The following PCM1 variants were observed in gnomAD, a reference collection of about 807,000 sequenced individuals.
PCM1 encodes pericentriolar material 1.
Under a neutral mutation model 241.9 loss-of-function variants are expected in PCM1, and 157 were observed. The ratio of observed to expected loss-of-function variants is 0.65; its 90% CI spans 0.57 to 0.74. The LOEUF (loss-of-function observed/expected upper bound fraction) is 0.74, where lower values mean the gene tolerates loss of function less well. PCM1 is among the 30% of genes least tolerant of loss of function. The pLI is 0.00. For synonymous variants in PCM1, 1,085 were observed against 784.9 expected, an observed-to-expected ratio of 1.38 and a Z score of -6.39; for missense variants, 3,478 against 2,360.1, an observed-to-expected ratio of 1.47 and a Z score of -9.81.
At chr8:18,010,741 G>T in intron 32 of PCM1, 73 bp downstream of exon 32, 2 of 1,002,890 alleles carry the variant, frequency 2.0e-6, no homozygotes, top group South Asian at 3.0e-5. Context: ...GCAGCCCTTT[G>T]GGAGGCCAAG....
rs1166348431 is a variant in PCM1 at position 18,011,362 on chromosome 8, T to TATTA, written c.5347_5350dup (p.Leu1785Ter). The TATTA allele has an allele frequency of 6.3e-7, 1 of 1,585,842 alleles. No homozygotes were observed. Among genetic ancestry groups the TATTA allele is most frequent in the Non-Finnish European group, 8.5e-7 (1 of 1,170,126 alleles). On this transcript the variant is annotated frameshift_variant, in exon 33 of 39. Coordinates refer to ENST00000325083, the MANE Select transcript of PCM1 (RefSeq NM_006197.4). LOFTEE classifies it high-confidence loss of function. ...AAGAAAGTGAAGGATGTCCAGTGTC[T>TATTA]ATTAGTAAGTTTAAAGGCTCTGTAC...
At chr8:17,969,249 T>C (rs1473216817) in intron 21 of PCM1, among the ~76,000 whole-genome samples, 1 of 152,148 alleles carries the variant, frequency 6.6e-6, no homozygotes, top group Admixed American at 6.5e-5. Flanking sequence ...TTTTATAAGT[T>C]ACTTGGTTTT....
chr8:18,022,872 C>G lies in PCM1; in HGVS notation c.5842-2489C>G, dbSNP rs113302638. Among the ~76,000 whole-genome samples the G allele has an allele frequency of 8.1e-3, 1,237 of 152,214 alleles. 23 individuals are homozygous for G. The highest frequency in any genetic ancestry group is 0.028 in the African/African-American group (1,168 of 41,522). On this transcript the variant is annotated intron_variant, in intron 36 of 38. Coordinates refer to ENST00000325083, the MANE Select transcript of PCM1 (RefSeq NM_006197.4). The stretch of plus-strand genomic sequence containing the variant: ...GAAACTCTAGAGGCAAATGGAATAC[C>G]CCTGTAGTTTCACTGTATACAATAG...
intron 32 of PCM1, 108 bp downstream of exon 32, chr8:18,010,776 T>C: frequency 2.9e-6 from 2 of 699,016 alleles, no homozygotes; most frequent in Non-Finnish European, 4.7e-6. Context: ...AGGTCAAGAT[T>C]TCCAGACCAG....
chr8:17,923,550 G>A (rs953244238), intron 1 of PCM1, among the ~76,000 whole-genome samples: 1 of 152,182 alleles, frequency 6.6e-6, no homozygotes, highest in Non-Finnish European at 1.5e-5. Flanking sequence ...TCTGGTTTGG[G>A]TGCTAGGGGC....
chr8:17,928,095 T>C (rs1217005580), intron 2 of PCM1: 1 of 152,218 alleles, frequency 6.6e-6, no homozygotes, highest in East Asian at 1.9e-4. Flanking sequence ...CCCGTAGTAC[T>C]GTCATCAATC....
intron 15 of PCM1, among the ~76,000 whole-genome samples, chr8:17,960,747 A>G (rs113094956): frequency 6.6e-6 from 1 of 151,790 alleles, no homozygotes; most frequent in Non-Finnish European, 1.5e-5. Flanking sequence ...GATGGTTTCG[A>G]TCTCCTGACC....
chr8:17,935,776 A>G (rs1313294314), intron 3 of PCM1, 70 bp downstream of exon 3: 2 of 750,228 alleles, frequency 2.7e-6, no homozygotes, highest in African/African-American at 1.7e-5. Flanking sequence ...CCCCTGACCA[A>G]ATTTAACTCA....
At chr8:17,994,058 T>C (rs1251234478) in intron 29 of PCM1, among the ~76,000 whole-genome samples, 2 of 151,856 alleles carry the variant, frequency 1.3e-5, no homozygotes, top group African/African-American at 4.8e-5. Flanking sequence ...TTATACTCTT[T>C]TAGTTATTTT....
intron 36 of PCM1, chr8:18,015,849 T>A (rs1377701653): frequency 6.6e-6 from 1 of 152,238 alleles, no homozygotes; most frequent in Non-Finnish European, 1.5e-5. Context: ...CCTCTCGGAT[T>A]TCAGGCTCCA....
chr8:17,991,538 G>C lies in PCM1; in HGVS notation c.4532-4G>C, dbSNP rs577255810. 6.3e-7 allele frequency: 1 copy of C among 1,584,260 alleles called. No individual in the cohort carries two copies. Among genetic ancestry groups the C allele is most frequent in the Admixed American group, 1.8e-5 (1 of 55,670 alleles). Reference sequence around the variant, plus strand: ...CTCAAAAAATATTTTTGTTCCAAATGTAGGTAACACCGTGATTCACTTAGA... The same window carrying C: ...CTCAAAAAATATTTTTGTTCCAAATCTAGGTAACACCGTGATTCACTTAGA... On this transcript the variant is annotated splice_region_variant and splice_polypyrimidine_tract_variant and intron_variant, in intron 27 of 38. Coordinates refer to ENST00000325083, the MANE Select transcript of PCM1 (RefSeq NM_006197.4).
rs1442947537 is a variant in PCM1, at chr8:17,956,764, G to C, written c.1633G>C (p.Val545Leu). The C allele has an allele frequency of 1.9e-6, 3 of 1,607,450 alleles. No homozygotes were observed. Among genetic ancestry groups the C allele is most frequent in the Non-Finnish European group, 2.6e-6 (3 of 1,176,328 alleles). The change falls in exon 11 of 39, where the codon GTT (valine) becomes CTT (leucine). Residue 545 changes from valine (V) to leucine (L), a missense_variant. Transcript: ENST00000325083. Reference protein sequence around the residue: ...YDSEHENSEPVTNIRNPQVAS... With the variant: ...YDSEHENSEPLTNIRNPQVAS... ...TTCTGAGCATGAAAATTCCGAGCCT[G>C]TTACTAACATTCGGTAAGAACTTTT...
intron 23 of PCM1, among the ~76,000 whole-genome samples, chr8:17,978,828 T>C (rs2079655274): frequency 6.6e-6 from 1 of 152,210 alleles, no homozygotes; most frequent in Non-Finnish European, 1.5e-5. Flanking sequence ...AATCTGCCAT[T>C]GTATCAAAAG....
chr8:17,960,527 G>GTTGTTCTTTTT lies in PCM1; in HGVS notation c.2322+85_2322+86insGTTCTTTTTTT, dbSNP rs2071243223. ...ACTGAAAGTACTCTTTTTTGTTTTTGTTTTTCTTTTTTTTTGAGGCAGAGT... is the reference window on the plus strand; with the variant it reads ...ACTGAAAGTACTCTTTTTTGTTTTTGTTGTTCTTTTTTTTTTCTTTTTTTTTGAGGCAGAGT... On this transcript the variant is annotated intron_variant, in intron 15 of 38. Transcript: ENST00000325083. 17 of 413,050 alleles carry GTTGTTCTTTTT rather than the reference G, an allele frequency of 4.1e-5. No individual in the cohort carries two copies. The East Asian group carries it at 7.0e-4, about 17-fold the overall frequency. 25.6% of individuals were successfully genotyped at this position (413,050 alleles called of 1,614,324 possible). A position where few individuals can be genotyped will look rare whatever the true frequency, so the allele number is the denominator to read the frequency against.
chr8:18,014,312 A>G (rs935299185), intron 35 of PCM1, among the ~76,000 whole-genome samples: 1 of 151,518 alleles, frequency 6.6e-6, no homozygotes, highest in African/African-American at 2.4e-5. Context: ...TGGTAGATTT[A>G]AAAAAAAAAT....
chr8:17,990,759 T>C lies in PCM1; in HGVS notation c.4531+780T>C, dbSNP rs116216179. On this transcript the variant is annotated intron_variant, in intron 27 of 38. Transcript: ENST00000325083. ...TCACGTGATGAAGAGAAGACTTAGA[T>C]TATTTCAAAGGTATTTTTCCACTAT... 3.7e-3 allele frequency among the ~76,000 whole-genome samples: 556 copies of C among 152,260 alleles called. 7 individuals carry two copies. Among genetic ancestry groups the C allele is most frequent in the African/African-American group, 0.013 (538 of 41,564 alleles).
At chr8:17,939,908 A>C in intron 6 of PCM1, 47 bp downstream of exon 6, 1 of 1,215,726 alleles carries the variant, frequency 8.2e-7, no homozygotes, top group Non-Finnish European at 1.2e-6. Context: ...GTAGTATCTC[A>C]GTGTGTATTT....
intron 6 of PCM1, 198 bp downstream of exon 6, chr8:17,940,059 G>A: frequency 1.3e-6 from 2 of 1,575,518 alleles, no homozygotes; most frequent in Non-Finnish European, 1.7e-6. Context: ...AAAATGAGGA[G>A]GAGGATGTTC....
intron 9 of PCM1, 63 bp from the exon 10 acceptor site, chr8:17,955,407 G>A (rs1385987296): frequency 2.7e-6 from 3 of 1,126,944 alleles, no homozygotes; most frequent in African/African-American, 1.6e-5. Flanking sequence ...CAAGCCAACT[G>A]TATGTGTTTG....
Sources: gnomAD v4.1 joint callset for allele counts (sites outside exome capture counted in the v4.1 genomes callset) on GRCh38, gnomAD v4.1.1 for gene constraint, MANE v1.5 for transcripts, NCBI Gene and HGNC (gene_info 2026-07-23, HGNC 2026-07-21) for gene names.